Variants in DAB2IP observed in about 807,000 individuals in gnomAD.
DAB2IP encodes DAB2 interacting protein, also known as disabled homolog 2-interacting protein.
DAB2IP carries 28 observed loss-of-function variants against 107.2 expected under a neutral mutation model. The ratio of observed to expected loss-of-function variants is 0.26; its 90% CI spans 0.19 to 0.36. DAB2IP has a LOEUF of 0.36. Among genes scored for constraint, DAB2IP ranks in the 10% least tolerant of loss-of-function variants. DAB2IP has a pLI of 1.00. For synonymous variants in DAB2IP, 755 were observed against 706.4 expected, an observed-to-expected ratio of 1.07 and a Z score of -1.09; for missense variants, 1,400 against 1,644.7, an observed-to-expected ratio of 0.85 and a Z score of 2.57.
chr9:121,628,889 G>A (rs139058699), intron 1 of DAB2IP, among the ~76,000 whole-genome samples: 81 of 152,318 alleles, frequency 5.3e-4, no homozygotes, highest in South Asian at 2.7e-3. Context: ...CAGTTACCTG[G>A]TCTGTAAAAT....
At chr9:121,567,200 C>T in exon 1 of DAB2IP, 5 of 1,614,074 alleles carry the variant, frequency 3.1e-6, no homozygotes, top group Non-Finnish European at 4.2e-6. Flanking sequence ...TGGAGCCCGA[C>T]TCCCTTCTGG....
At chr9:121,608,904 A>G (rs1419226883) in intron 1 of DAB2IP, among the ~76,000 whole-genome samples, 1 of 152,094 alleles carries the variant, frequency 6.6e-6, no homozygotes, top group Admixed American at 6.6e-5. Flanking sequence ...GTCTGTAACT[A>G]GGTTTCTCGG....
intron 1 of DAB2IP, among the ~76,000 whole-genome samples, chr9:121,661,606 A>C (rs911491518): frequency 2.0e-5 from 3 of 152,130 alleles, no homozygotes; most frequent in Non-Finnish European, 4.4e-5. Flanking sequence ...GCTCTCTTCC[A>C]GAAGTTATGG....
chr9:121,595,272 C>T (rs1315440861), intron 1 of DAB2IP, among the ~76,000 whole-genome samples: 1 of 151,644 alleles, frequency 6.6e-6, no homozygotes, highest in African/African-American at 2.4e-5. Context: ...ATAAAACAAA[C>T]ACTGTGTGTC....
intron 2 of DAB2IP, among the ~76,000 whole-genome samples, chr9:121,681,080 C>T (rs1463888667): frequency 6.6e-6 from 1 of 152,164 alleles, no homozygotes; most frequent in Non-Finnish European, 1.5e-5. Context: ...ACACCTACAG[C>T]TGAAACATTG....
chr9:121,706,173 C>T (rs1416834248), intron 3 of DAB2IP, among the ~76,000 whole-genome samples: 2 of 152,162 alleles, frequency 1.3e-5, no homozygotes, highest in African/African-American at 2.4e-5. Flanking sequence ...CATCCATCTG[C>T]GAGGTGTGTC....
chr9:121,775,061 G>A (rs1392455057), intron 13 of DAB2IP, among the ~76,000 whole-genome samples: 1 of 152,236 alleles, frequency 6.6e-6, no homozygotes, highest in Non-Finnish European at 1.5e-5. Context: ...GGGGCAAGGG[G>A]ATGCTTCGTT....
intron 1 of DAB2IP, among the ~76,000 whole-genome samples, chr9:121,644,894 GTCC>G (rs1832486286): frequency 6.6e-6 from 1 of 152,216 alleles, no homozygotes; most frequent in African/African-American, 2.4e-5. Context: ...CCGTTCAGCT[GTCC>G]TCCTCTGTGG....
At chr9:121,671,072 A>T (rs1396851636) in intron 1 of DAB2IP, among the ~76,000 whole-genome samples, 1 of 152,114 alleles carries the variant, frequency 6.6e-6, no homozygotes, top group East Asian at 1.9e-4. Context: ...AACCGCTTGA[A>T]CCTGGGAGGT....
chr9:121,604,920 C>T lies in DAB2IP; in HGVS notation c.40+37692C>T, dbSNP rs116612256. Among the ~76,000 whole-genome samples, 1,469 of 152,310 alleles carry T rather than the reference C, an allele frequency of 9.6e-3. 31 individuals carry two copies. The highest frequency in any genetic ancestry group is 0.033 in the African/African-American group (1,360 of 41,546). On this transcript the variant is annotated intron_variant, in intron 1 of 16. Coordinates refer to the DAB2IP transcript ENST00000259371. ...CTCAACAGAGTCAAGTGGAGAGCCT[C>T]GCAGTCTGCTCTGGGCAGGGCTGGC...
chr9:121,782,959 A>G lies in DAB2IP; in HGVS notation c.*461A>G. The G allele has an allele frequency of 9.8e-7, 1 of 1,019,612 alleles. No homozygotes were observed. The highest frequency in any genetic ancestry group is 1.2e-6 in the Non-Finnish European group (1 of 850,690). The allele number at this position is 1,019,612 out of a possible 1,614,324, so 63.2% of individuals were successfully genotyped here. A position where few individuals can be genotyped will look rare whatever the true frequency, so the allele number is the denominator to read the frequency against. ...GGGGGCCCGGGACTCCCTGGCAGCCAGGCCCTGTCATGTGGGACCTGGCAC... is the reference window on the plus strand; with the variant it reads ...GGGGGCCCGGGACTCCCTGGCAGCCGGGCCCTGTCATGTGGGACCTGGCAC... On this transcript the variant is annotated 3_prime_UTR_variant, in exon 16 of 16. Transcript: ENST00000408936. This position sits in a 1 kb window ranked among gnomAD's most constrained non-coding sequence, Gnocchi z 6.1.
chr9:121,659,097 C>T (rs1265350032), intron 1 of DAB2IP, among the ~76,000 whole-genome samples: 3 of 152,204 alleles, frequency 2.0e-5, no homozygotes, highest in Non-Finnish European at 2.9e-5. Flanking sequence ...ATGTTGGGGC[C>T]ATGAGGCTCT....
At chr9:121,586,806 T>TA (rs902417135) in intron 1 of DAB2IP, among the ~76,000 whole-genome samples, 2,250 of 139,816 alleles carry the variant, frequency 0.016, 58 homozygotes, top group African/African-American at 0.051. Context: ...GGTGACAAAG[T>TA]AAAAAAAAAA....
chr9:121,648,104 G>A (rs1044403596), upstream of DAB2IP, among the ~76,000 whole-genome samples: 2 of 152,002 alleles, frequency 1.3e-5, no homozygotes, highest in African/African-American at 4.8e-5. Context: ...CTCAGGGAAC[G>A]GGTGGAAAGG....
chr9:121,639,096 G>C (rs2119030407), intron 1 of DAB2IP, among the ~76,000 whole-genome samples: 1 of 152,320 alleles, frequency 6.6e-6, no homozygotes, highest in Non-Finnish European at 1.5e-5. Flanking sequence ...ATTGAATCCT[G>C]TCTCTGCCAC....
intron 3 of DAB2IP, among the ~76,000 whole-genome samples, chr9:121,725,156 T>A (rs1463156090): frequency 3.3e-5 from 5 of 151,638 alleles, no homozygotes; most frequent in Non-Finnish European, 5.9e-5. Context: ...GGTGAGTGAG[T>A]GTGTGTGCGC....
chr9:121,774,820 G>C (rs1238614304), intron 13 of DAB2IP, among the ~76,000 whole-genome samples: 1 of 152,100 alleles, frequency 6.6e-6, no homozygotes. Context: ...AGAGGCATGG[G>C]TCCCCAGGAT....
intron 3 of DAB2IP, among the ~76,000 whole-genome samples, chr9:121,738,047 A>AGGTGGGCT (rs1000265249): frequency 3.4e-5 from 5 of 147,184 alleles, no homozygotes; most frequent in African/African-American, 1.3e-4. Context: ...GGAGGTGGGG[A>AGGTGGGCT]GGTGGGCTGG....
intron 1 of DAB2IP, among the ~76,000 whole-genome samples, chr9:121,630,849 C>G (rs1282237866): frequency 1.3e-5 from 2 of 152,170 alleles, no homozygotes; most frequent in African/African-American, 4.8e-5. Flanking sequence ...ATTGGGCAAT[C>G]CACTCGGCTT....
Sources: allele counts gnomAD v4.1 joint callset (sites outside exome capture counted in the v4.1 genomes callset), GRCh38; gene constraint gnomAD v4.1.1; non-coding constraint Gnocchi (gnomAD v3.1); transcripts MANE v1.5; gene names NCBI Gene and HGNC (gene_info 2026-07-23, HGNC 2026-07-21).